The following TP73 variants were observed in gnomAD, a reference collection of about 807,000 sequenced individuals.
TP73 encodes the protein p53-like transcription factor.
Under a neutral mutation model 62.5 loss-of-function variants are expected in TP73, and 25 were observed. The ratio of observed to expected loss-of-function variants is 0.40; its 90% CI spans 0.29 to 0.56. The LOEUF is 0.56. TP73 is among the 20% of genes least tolerant of loss of function. TP73 has a pLI of 0.46. For synonymous variants in TP73, 423 were observed against 377.5 expected (o/e 1.12, Z -1.40); for missense variants, 754 against 913.3 (o/e 0.83, Z 2.25).
At chr1:3,665,934 A>G (rs1439990630) in intron 1 of TP73, among the ~76,000 whole-genome samples, 1 of 149,334 alleles carries the variant, frequency 6.7e-6, no homozygotes, top group Non-Finnish European at 1.5e-5. Context: ...GGAGTTTGAG[A>G]CCAACCTGGC....
chr1:3,656,496 T>G (rs1644868475), intron 1 of TP73, among the ~76,000 whole-genome samples: 1 of 152,234 alleles, frequency 6.6e-6, no homozygotes, highest in Non-Finnish European at 1.5e-5. Context: ...AGTTTACATT[T>G]TTTTCCCTGT....
intron 4 of TP73, among the ~76,000 whole-genome samples, chr1:3,721,266 C>T (rs1354312597): frequency 6.6e-6 from 1 of 152,254 alleles, no homozygotes; most frequent in African/African-American, 2.4e-5. Flanking sequence ...GGGTGTCATC[C>T]AGTCCTCCTG....
intron 3 of TP73, among the ~76,000 whole-genome samples, chr1:3,685,621 CAG>C (rs1332372912): frequency 6.6e-6 from 1 of 152,220 alleles, no homozygotes; most frequent in Admixed American, 6.5e-5. Context: ...GGTACAAAGA[CAG>C]AGACTCCGAA....
chr1:3,690,786 C>G, intron 3 of TP73: 2 of 1,517,556 alleles, frequency 1.3e-6, no homozygotes, highest in South Asian at 2.4e-5. Flanking sequence ...GAGCCTCTCC[C>G]GCTCGGTCCA....
intron 3 of TP73, among the ~76,000 whole-genome samples, chr1:3,685,960 C>G (rs1645643764): frequency 6.6e-6 from 1 of 152,234 alleles, no homozygotes; most frequent in African/African-American, 2.4e-5. Flanking sequence ...GGCCTCGGGT[C>G]AGACAGGCGG....
chr1:3,688,924 C>T (rs973291773), intron 3 of TP73, among the ~76,000 whole-genome samples: 6 of 152,156 alleles, frequency 3.9e-5, no homozygotes, highest in Admixed American at 2.0e-4. Context: ...ACCATCAGGC[C>T]GGCCCTGTGC....
intron 3 of TP73, among the ~76,000 whole-genome samples, chr1:3,695,522 C>T (rs1638563672): frequency 6.6e-6 from 1 of 152,350 alleles, no homozygotes; most frequent in East Asian, 1.9e-4. Flanking sequence ...AACGTGGCCA[C>T]CCCTGTGCTG....
At chr1:3,712,727 T>G (rs1640254195) in intron 4 of TP73, among the ~76,000 whole-genome samples, 2 of 152,184 alleles carry the variant, frequency 1.3e-5, no homozygotes, top group Non-Finnish European at 2.9e-5. Flanking sequence ...GGCAGCAGCA[T>G]TGCCCCTATG....
At chr1:3,727,980 G>A in intron 8 of TP73, 149 bp from the exon 9 acceptor site, 1 of 1,145,534 alleles carries the variant, frequency 8.7e-7, no homozygotes, top group South Asian at 1.6e-5. Flanking sequence ...TGGCACCGCA[G>A]GTTTGCCCGT....
At chr1:3,693,792 C>T (rs865947027) in intron 3 of TP73, among the ~76,000 whole-genome samples, 16 of 82,098 alleles carry the variant, frequency 1.9e-4, no homozygotes, top group East Asian at 8.7e-4. Context: ...CCCCTCCTCC[C>T]GCAATCCCAG....
chr1:3,734,357 A>C lies in TP73; in HGVS notation c.*1278A>C, dbSNP rs1441241995. On this transcript the variant is annotated 3_prime_UTR_variant, in exon 14 of 14. Coordinates refer to ENST00000378295, the MANE Select transcript of TP73 (RefSeq NM_005427.4). The surrounding 1 kb of genome is among the most constrained non-coding windows in gnomAD (Gnocchi z 4.4). ...CCTGAGCCTTGGTGGCCGAACCTTGACCGTCCCGGAGCACAGCTTCAGGGC... is the reference window on the plus strand; with the variant it reads ...CCTGAGCCTTGGTGGCCGAACCTTGCCCGTCCCGGAGCACAGCTTCAGGGC... 1 of 152,082 alleles carries C rather than the reference A, an allele frequency of 6.6e-6. No individual in the cohort carries two copies. The highest frequency in any genetic ancestry group is 1.5e-5 in the Non-Finnish European group (1 of 68,050). The allele number at this position is 152,082 out of a possible 1,614,324, so 9.4% of individuals were successfully genotyped here.
intron 1 of TP73, among the ~76,000 whole-genome samples, chr1:3,678,869 T>G (rs1645437514): frequency 1.3e-5 from 2 of 152,196 alleles, no homozygotes; most frequent in African/African-American, 4.8e-5. Flanking sequence ...CGCCTGCACC[T>G]GGAGGCCCAC....
rs1467160515 is a variant in TP73, at chr1:3,696,675, G to A, written c.187-10874G>A. Among the ~76,000 whole-genome samples, 1 of 152,082 alleles carries A rather than the reference G, an allele frequency of 6.6e-6. No individual in the cohort carries two copies. Among genetic ancestry groups the A allele is most frequent in the Non-Finnish European group, 1.5e-5 (1 of 68,016 alleles). On this transcript the variant is annotated intron_variant, in intron 3 of 13. Transcript: ENST00000378295. The surrounding 1 kb of genome is among the most constrained non-coding windows in gnomAD (Gnocchi z 4.1). ...AGTTCCCACGGTTTGGAGAGGGCAG[G>A]GCCCAACTGGGAATGGCTCATGGGA...
Position 3,666,016 on chromosome 1 carries a change from G to A in TP73, c.-34+13375G>A, listed in dbSNP as rs1471359661. On this transcript the variant is annotated intron_variant, in intron 1 of 13. Coordinates refer to ENST00000378295, the MANE Select transcript of TP73 (RefSeq NM_005427.4). The surrounding 1 kb of genome is among the most constrained non-coding windows in gnomAD (Gnocchi z 6.4). ...TGGGTATAGTAATTCCAGCTACTTG[G>A]GAGGCTGAGGCAGGAGAATCGCTTT... 6.6e-6 allele frequency among the ~76,000 whole-genome samples: 1 copy of A among 150,984 alleles called. No homozygotes were observed. The highest frequency in any genetic ancestry group is 1.5e-5 in the Non-Finnish European group (1 of 67,790).
chr1:3,722,694 G>GTGGGCACCTCTCTGCACCTGGCATGCAGC (rs1557572312), intron 5 of TP73, among the ~76,000 whole-genome samples: 1 of 110,048 alleles, frequency 9.1e-6, no homozygotes. Context: ...TGGCACAGGG[G>GTGGGCACCTCTCTGCACCTGGCATGCAGC]TGGGCACCTC....
At chr1:3,691,725 C>T (rs555790961) in intron 3 of TP73, among the ~76,000 whole-genome samples, 1 of 152,346 alleles carries the variant, frequency 6.6e-6, no homozygotes, top group Admixed American at 6.5e-5. Flanking sequence ...GCCGTTCCTC[C>T]TCCCAGGGAA....
rs190319627 is a variant in TP73 at position 3,669,147 on chromosome 1, C to T, written c.-33-13186C>T. Reference sequence around the variant, plus strand: ...CTTCCACCTGGCCCCACCGACCCTCCGGGGCCCAGGCTTAGCCAAGGTAGG... The same window carrying T: ...CTTCCACCTGGCCCCACCGACCCTCTGGGGCCCAGGCTTAGCCAAGGTAGG... On this transcript the variant is annotated intron_variant, in intron 1 of 13. Transcript: ENST00000378295. Among the ~76,000 whole-genome samples, 389 of 152,372 alleles carry T rather than the reference C, an allele frequency of 2.6e-3. 1 individual carries two copies. The highest frequency in any genetic ancestry group is 3.9e-3 in the Non-Finnish European group (264 of 68,030).
rs1402457572 is a variant in TP73 at position 3,666,494 on chromosome 1, G to A, written c.-34+13853G>A. ...CAGGAACTCACTGATGCACACAGAGGGACCTGCTGGCAAATACTGAAGAGC... is the reference window on the plus strand; with the variant it reads ...CAGGAACTCACTGATGCACACAGAGAGACCTGCTGGCAAATACTGAAGAGC... On this transcript the variant is annotated intron_variant, in intron 1 of 13. Coordinates refer to ENST00000378295, the MANE Select transcript of TP73 (RefSeq NM_005427.4). The surrounding 1 kb of genome is among the most constrained non-coding windows in gnomAD (Gnocchi z 6.4). 6.6e-6 allele frequency among the ~76,000 whole-genome samples: 1 copy of A among 152,174 alleles called. No homozygotes were observed.
chr1:3,705,448 C>T (rs1028873813), intron 3 of TP73, among the ~76,000 whole-genome samples: 3 of 152,224 alleles, frequency 2.0e-5, no homozygotes, highest in African/African-American at 7.2e-5. Context: ...GGTCCCCGTT[C>T]CACTGGTGGG....
Sources: allele counts gnomAD v4.1 joint callset (sites outside exome capture counted in the v4.1 genomes callset), GRCh38; gene constraint gnomAD v4.1.1; non-coding constraint Gnocchi (gnomAD v3.1); transcripts MANE v1.5; gene names NCBI Gene and HGNC (gene_info 2026-07-23, HGNC 2026-07-21).